BTBD10: variants seen among roughly 807,000 people sequenced by gnomAD.
BTBD10 encodes the protein BTB domain containing 10.
BTBD10 carries 21 observed loss-of-function variants against 53.2 expected under a neutral mutation model. That is an observed-to-expected ratio of 0.39 (90% CI 0.28 to 0.57). The LOEUF (loss-of-function observed/expected upper bound fraction) is 0.57. Among genes scored for constraint, BTBD10 ranks in the 20% least tolerant of loss-of-function variants. BTBD10 has a pLI of 0.53. For missense variants in BTBD10, 360 were observed against 594.7 expected (o/e 0.61, Z 4.10); for synonymous variants, 149 against 192.7 (o/e 0.77, Z 1.88).
At chr11:13,407,039 A>G (rs868850624) in intron 6 of BTBD10, among the ~76,000 whole-genome samples, 1 of 152,158 alleles carries the variant, frequency 6.6e-6, no homozygotes, top group Non-Finnish European at 1.5e-5. Context: ...TGTTAAAGAC[A>G]ATAACCATCT....
intron 2 of BTBD10, among the ~76,000 whole-genome samples, chr11:13,422,651 A>G (rs938591869): frequency 6.6e-6 from 1 of 152,238 alleles, no homozygotes; most frequent in Admixed American, 6.5e-5. Flanking sequence ...CAGGAAAAAA[A>G]AAGAAAAAGA....
At chr11:13,402,551 T>C (rs1473447173) in intron 8 of BTBD10, among the ~76,000 whole-genome samples, 1 of 152,218 alleles carries the variant, frequency 6.6e-6, no homozygotes, top group Non-Finnish European at 1.5e-5. Flanking sequence ...TGTCATGTTA[T>C]ATCAATTAAG....
At chr11:13,440,216 T>G in intron 2 of BTBD10, 1 of 1,344,580 alleles carries the variant, frequency 7.4e-7, no homozygotes, top group Non-Finnish European at 9.7e-7. Context: ...GTTTATTTTC[T>G]CACAGACACT....
chr11:13,418,729 C>T (rs1161417971), intron 4 of BTBD10, among the ~76,000 whole-genome samples: 2 of 152,062 alleles, frequency 1.3e-5, no homozygotes, highest in Non-Finnish European at 2.9e-5. Flanking sequence ...GTTTTTATCT[C>T]ATGTAAACTT....
At chr11:13,432,083 C>T (rs111840618) in intron 2 of BTBD10, among the ~76,000 whole-genome samples, 4 of 151,840 alleles carry the variant, frequency 2.6e-5, no homozygotes, top group African/African-American at 7.3e-5. Context: ...AAAAGCATTT[C>T]GCTGAATGAA....
At chr11:13,432,957 T>C (rs1200015532) in intron 2 of BTBD10, among the ~76,000 whole-genome samples, 4 of 152,100 alleles carry the variant, frequency 2.6e-5, no homozygotes, top group Admixed American at 6.6e-5. Context: ...GTAGCTGATA[T>C]AAGTAGCACT....
At chr11:13,399,719 G>A (rs1472091059) in intron 8 of BTBD10, among the ~76,000 whole-genome samples, 2 of 152,142 alleles carry the variant, frequency 1.3e-5, no homozygotes, top group East Asian at 1.9e-4. Context: ...GTACAGATGG[G>A]TTTTTGGTGT....
chr11:13,439,684 A>G (rs1950611087), intron 2 of BTBD10, among the ~76,000 whole-genome samples: 2 of 152,128 alleles, frequency 1.3e-5, no homozygotes, highest in African/African-American at 4.8e-5. Context: ...CATCAAACCC[A>G]CGAAAACAAT....
intron 7 of BTBD10, chr11:13,405,331 TAA>T (rs1949798463): frequency 5.5e-6 from 1 of 181,064 alleles, no homozygotes; most frequent in Non-Finnish European, 1.1e-5. Flanking sequence ...TGAATGCTTT[TAA>T]ATACAAAGAA....
chr11:13,415,693 C>G (rs549090026), intron 5 of BTBD10, among the ~76,000 whole-genome samples: 4 of 151,996 alleles, frequency 2.6e-5, no homozygotes, highest in African/African-American at 7.2e-5. Context: ...TGTAAATTAT[C>G]TAAATATTTT....
intron 1 of BTBD10, among the ~76,000 whole-genome samples, chr11:13,457,210 T>G (rs1407931911): frequency 6.6e-6 from 1 of 151,788 alleles, no homozygotes; most frequent in East Asian, 1.9e-4. Context: ...AAAACACAGA[T>G]TATATAACCC....
intron 6 of BTBD10, among the ~76,000 whole-genome samples, chr11:13,408,758 A>G (rs1949879451): frequency 6.6e-6 from 1 of 152,094 alleles, no homozygotes; most frequent in Admixed American, 6.5e-5. Context: ...CCAGAATCTG[A>G]CTACTTCTTA....
chr11:13,411,232 T>C (rs1319424714), intron 6 of BTBD10, among the ~76,000 whole-genome samples: 1 of 152,140 alleles, frequency 6.6e-6, no homozygotes, highest in Non-Finnish European at 1.5e-5. Context: ...TCCAAACTAG[T>C]TTAATGCCAC....
Position 13,397,466 on chromosome 11 carries a change from A to G in BTBD10, c.1117+5702T>C, listed in dbSNP as rs190052028. On this transcript the variant is annotated intron_variant, in intron 8 of 8. Coordinates refer to ENST00000278174, the MANE Select transcript of BTBD10 (RefSeq NM_032320.7). ...TGTTTGTCTTGCTAGCAGTCTATCA[A>G]TTTTGTTGATCCTTTCAAAAAACCA... 3.3e-3 allele frequency among the ~76,000 whole-genome samples: 509 copies of G among 152,058 alleles called. 3 individuals are homozygous for G. The highest frequency in any genetic ancestry group is 0.011 in the African/African-American group (461 of 41,452).
intron 1 of BTBD10, among the ~76,000 whole-genome samples, chr11:13,457,864 A>G (rs1485950196): frequency 6.6e-6 from 1 of 152,198 alleles, no homozygotes. Flanking sequence ...GGATTATGGT[A>G]CCATTTTCTT....
At chr11:13,446,578 A>G (rs1039389227) in intron 1 of BTBD10, among the ~76,000 whole-genome samples, 1 of 152,166 alleles carries the variant, frequency 6.6e-6, no homozygotes, top group African/African-American at 2.4e-5. Flanking sequence ...GGGGAAAGGA[A>G]GAACTGCTGA....
chr11:13,432,578 A>G (rs748598088), intron 2 of BTBD10, among the ~76,000 whole-genome samples: 3 of 152,094 alleles, frequency 2.0e-5, no homozygotes, highest in African/African-American at 7.2e-5. Context: ...ATTGAATTAT[A>G]TAACAAAAGG....
intron 8 of BTBD10, among the ~76,000 whole-genome samples, chr11:13,397,571 T>C (rs945788870): frequency 1.2e-4 from 18 of 152,246 alleles, no homozygotes; most frequent in Admixed American, 3.9e-4. Flanking sequence ...AGTTATTTCT[T>C]GCCTTCTGCC....
At chr11:13,394,261 A>C (rs1216788419) in intron 8 of BTBD10, among the ~76,000 whole-genome samples, 1 of 152,140 alleles carries the variant, frequency 6.6e-6, no homozygotes, top group Non-Finnish European at 1.5e-5. Context: ...ACGTGTCAGG[A>C]GAGGGGCCTG....
Sources: allele counts gnomAD v4.1 joint callset (sites outside exome capture counted in the v4.1 genomes callset), GRCh38; gene constraint gnomAD v4.1.1; transcripts MANE v1.5; gene names NCBI Gene and HGNC (gene_info 2026-07-23, HGNC 2026-07-21).